ZDHHC9: variants seen among roughly 807,000 people sequenced by gnomAD.
The protein encoded by ZDHHC9 is zDHHC palmitoyltransferase 9, also known as palmitoyltransferase ZDHHC9.
A neutral mutation model predicts 26.6 loss-of-function variants in ZDHHC9; 3 were observed. The ratio of observed to expected loss-of-function variants is 0.11; its 90% CI spans 0.05 to 0.29. The LOEUF is 0.29. Ranked by LOEUF, ZDHHC9 falls within the 10% of genes least tolerant of loss-of-function variation. The pLI is 1.00. For synonymous variants in ZDHHC9, 111 were observed against 109.4 expected (o/e 1.01, Z -0.09); for missense variants, 146 against 296.4 (o/e 0.49, Z 3.73).
chrX:129,820,991 T>C (rs1276591494), intron 5 of ZDHHC9, among the ~76,000 whole-genome samples: 1 of 111,154 alleles, frequency 9.0e-6, no homozygotes, highest in East Asian at 2.8e-4. Flanking sequence ...TGTGTTCTCA[T>C]TGTTCTCGAA....
chrX:129,822,028 T>C (rs1258459261), intron 5 of ZDHHC9, among the ~76,000 whole-genome samples: 1 of 111,568 alleles, frequency 9.0e-6, no homozygotes, highest in Non-Finnish European at 1.9e-5. Flanking sequence ...GTTCAACCAT[T>C]GTGGAAGACA....
chrX:129,836,505 G>T (rs1928265466), intron 3 of ZDHHC9, among the ~76,000 whole-genome samples: 1 of 111,647 alleles, frequency 9.0e-6, no homozygotes, highest in African/African-American at 3.3e-5. Flanking sequence ...GGCTGGTCTC[G>T]AACTCCTGAC....
intron 3 of ZDHHC9, 145 bp downstream of exon 3, chrX:129,841,634 A>C: frequency 1.4e-6 from 1 of 713,301 alleles, no homozygotes. Context: ...CCACGAAGCA[A>C]TGAATTCAGC....
chrX:129,805,941 G>T lies in ZDHHC9; in HGVS notation c.*429C>A. On this transcript the variant is annotated 3_prime_UTR_variant, in exon 11 of 11. Coordinates refer to ENST00000357166, the MANE Select transcript of ZDHHC9 (RefSeq NM_016032.4). ...CCCAAGAACCCAGTTAGGATCCCCT[G>T]GCCAGAGGTCTCTGTGACTGCCTCT... The T allele has an allele frequency of 6.5e-6, 1 of 154,907 alleles. No individual in the cohort carries two copies. Among genetic ancestry groups the T allele is most frequent in the Non-Finnish European group, 1.3e-5 (1 of 79,053 alleles). The allele number at this position is 154,907 out of a possible 1,213,427, so 12.8% of individuals were successfully genotyped here.
intron 3 of ZDHHC9, 122 bp from the exon 4 acceptor site, chrX:129,829,263 G>T: frequency 1.2e-6 from 1 of 828,260 alleles, no homozygotes; most frequent in Non-Finnish European, 1.8e-6. Flanking sequence ...CAGGGACCAT[G>T]TTTCTTCTCT....
At chrX:129,806,707 G>A (rs983874545) in intron 10 of ZDHHC9, among the ~76,000 whole-genome samples, 20 of 111,745 alleles carry the variant, frequency 1.8e-4, no homozygotes, top group Admixed American at 1.6e-3. Context: ...GTTGGTTGGG[G>A]ACAGATTTTT....
intron 10 of ZDHHC9, 25 bp downstream of exon 10, chrX:129,810,880 C>T: frequency 8.4e-7 from 1 of 1,184,197 alleles, no homozygotes; most frequent in Non-Finnish European, 1.1e-6. Context: ...CTATATCGAC[C>T]CAGCCTTAAG....
chrX:129,810,949 G>A lies in ZDHHC9; in HGVS notation c.934C>T (p.Pro312Ser). 1 of 1,211,606 alleles carries A rather than the reference G, an allele frequency of 8.3e-7. No individual in the cohort carries two copies. Residue 312 changes from proline (P) to serine (S), a missense_variant, in exon 10 of 11, where the codon CCC (proline) becomes TCC (serine). Around this residue, in one of 2 missense-constraint regions of ZDHHC9, gnomAD observed 46 missense variants for 46.4 expected, o/e 0.99. Coordinates refer to ENST00000357166, the MANE Select transcript of ZDHHC9 (RefSeq NM_016032.4). ...CTGCTACTGGTCTCTTGAGTACTGG[G>A]AGGTCGACTTCCACTTTCCTCCAGT... Reference protein sequence around the residue: ...LPLEESGSRPPSTQETSSSLL... With the variant: ...LPLEESGSRPSSTQETSSSLL...
chrX:129,837,984 G>T (rs1270711478), intron 3 of ZDHHC9, among the ~76,000 whole-genome samples: 6 of 112,245 alleles, frequency 5.3e-5, no homozygotes, highest in Admixed American at 4.7e-4. Flanking sequence ...AGGCCAAGCT[G>T]GTAGCTATGT....
At chrX:129,823,958 G>T in intron 4 of ZDHHC9, 121 bp from the exon 5 acceptor site, 2 of 613,001 alleles carry the variant, frequency 3.3e-6, no homozygotes, top group Non-Finnish European at 5.4e-6. Context: ...GTCTTTTATA[G>T]ACTAGACACT....
chrX:129,816,422 T>C (rs1286946064), intron 5 of ZDHHC9, among the ~76,000 whole-genome samples: 1 of 109,827 alleles, frequency 9.1e-6, no homozygotes, highest in African/African-American at 3.3e-5. Flanking sequence ...ACACTGATAC[T>C]GTATTTATTG....
intron 4 of ZDHHC9, 103 bp downstream of exon 4, chrX:129,828,878 G>A: frequency 9.4e-7 from 1 of 1,064,384 alleles, no homozygotes; most frequent in South Asian, 1.9e-5. Context: ...GAGAGAAAAG[G>A]CTAGAAGTGA....
At chrX:129,814,944 C>G in intron 5 of ZDHHC9, 149 bp from the exon 6 acceptor site, 1 of 657,427 alleles carries the variant, frequency 1.5e-6, no homozygotes, top group South Asian at 2.9e-5. Context: ...TTTACTTTTT[C>G]AAAATGTTTT....
chrX:129,812,143 GC>G (rs1927656930), intron 8 of ZDHHC9, among the ~76,000 whole-genome samples: 1 of 109,364 alleles, frequency 9.1e-6, no homozygotes, highest in South Asian at 4.0e-4. Context: ...GAGTGCAGTG[GC>G]GTGATCTTTG....
chrX:129,814,567 C>T, intron 6 of ZDHHC9, 91 bp downstream of exon 6: 1 of 1,150,161 alleles, frequency 8.7e-7, no homozygotes, highest in Non-Finnish European at 1.2e-6. Context: ...CACAATGGTA[C>T]CACCAGGAAA....
At chrX:129,810,251 G>A (rs1927607968) in intron 10 of ZDHHC9, among the ~76,000 whole-genome samples, 1 of 106,770 alleles carries the variant, frequency 9.4e-6, no homozygotes, top group Non-Finnish European at 1.9e-5. Context: ...CGGAGGCTGA[G>A]GCAGAGAATT....
chrX:129,837,210 A>G (rs1048148918), intron 3 of ZDHHC9, among the ~76,000 whole-genome samples: 1 of 111,949 alleles, frequency 8.9e-6, no homozygotes, highest in Non-Finnish European at 1.9e-5. Context: ...GTTTTAATTC[A>G]GCAACACTTA....
chrX:129,810,024 T>C (rs1419367792), intron 10 of ZDHHC9, among the ~76,000 whole-genome samples: 1 of 94,011 alleles, frequency 1.1e-5, no homozygotes, highest in Non-Finnish European at 2.1e-5. Context: ...ACCTATGGTA[T>C]GTGAATCATA....
At chrX:129,838,175 G>T (rs754822567) in intron 3 of ZDHHC9, among the ~76,000 whole-genome samples, 1 of 111,905 alleles carries the variant, frequency 8.9e-6, no homozygotes, top group Non-Finnish European at 1.9e-5. Context: ...ACTTAAATAC[G>T]TTTACCATGA....
Sources: gnomAD v4.1 joint callset for allele counts (sites outside exome capture counted in the v4.1 genomes callset) on GRCh38, gnomAD v4.1.1 for gene constraint, gnomAD v4.1.1 regional missense constraint, MANE v1.5 for transcripts, NCBI Gene and HGNC (gene_info 2026-07-23, HGNC 2026-07-21) for gene names.